EIF4ENIF1: variants seen among roughly 807,000 people sequenced by gnomAD.
The protein encoded by EIF4ENIF1 is eukaryotic translation initiation factor 4E nuclear import factor 1.
EIF4ENIF1 carries 23 observed loss-of-function variants against 110.5 expected under a neutral mutation model. That is an observed-to-expected ratio of 0.21 (90% CI 0.15 to 0.29). The LOEUF (loss-of-function observed/expected upper bound fraction) is 0.29, where lower values mean the gene tolerates loss of function less well. Among genes scored for constraint, EIF4ENIF1 ranks in the 10% least tolerant of loss-of-function variants. The probability of loss-of-function intolerance (pLI) is 1.00; values close to 1 mark genes in which losing one functional copy is unlikely to be tolerated. For missense variants in EIF4ENIF1, 1,031 were observed against 1,221.1 expected, an observed-to-expected ratio of 0.84 and a Z score of 2.32; for synonymous variants, 440 against 437.0, an observed-to-expected ratio of 1.01 and a Z score of -0.09.
chr22:31,455,845 A>C lies in EIF4ENIF1; in HGVS notation c.1099+7T>G. ...ACCTTCAAGGGCAGAATCTGAAGCC[A>C]TTTTACCTGCAAGTCTCTCTAGCTC... On this transcript the variant is annotated splice_region_variant and intron_variant, in intron 8 of 18. Coordinates refer to ENST00000330125, the MANE Select transcript of EIF4ENIF1 (RefSeq NM_019843.4). 6.2e-7 allele frequency: 1 copy of C among 1,613,552 alleles called. No individual in the cohort carries two copies. The highest frequency in any genetic ancestry group is 8.5e-7 in the Non-Finnish European group (1 of 1,179,822).
chr22:31,464,207 A>G (rs2051095795), intron 4 of EIF4ENIF1: 2 of 471,286 alleles, frequency 4.2e-6, no homozygotes, highest in Admixed American at 3.9e-5. Flanking sequence ...TTCCATGATT[A>G]GTCTTTGCAG....
In EIF4ENIF1 at chr22:31,447,415, T is replaced by G. The variant is rs777711094; in HGVS notation, c.1988+11A>C. On this transcript the variant is annotated intron_variant, in intron 14 of 18. Coordinates refer to ENST00000330125, the MANE Select transcript of EIF4ENIF1 (RefSeq NM_019843.4). ...CCGTAAATCTCCACATGAGCAGGAT[T>G]AGTAATTTACCTGTTTCTGAATCCA... The G allele has an allele frequency of 1.6e-5, 26 of 1,608,244 alleles. No individual in the cohort carries two copies. The African/African-American group carries it at 3.3e-4, about 21-fold the overall frequency.
intron 17 of EIF4ENIF1, among the ~76,000 whole-genome samples, chr22:31,441,506 C>T (rs2050294763): frequency 6.8e-6 from 1 of 146,252 alleles, no homozygotes; most frequent in African/African-American, 2.6e-5. Flanking sequence ...CGCCACTGCA[C>T]TCCAGCCAGG....
At chr22:31,444,969 A>C (rs912165545) in intron 14 of EIF4ENIF1, among the ~76,000 whole-genome samples, 12 of 152,232 alleles carry the variant, frequency 7.9e-5, no homozygotes, top group Admixed American at 3.9e-4. Context: ...ATTAGGCACC[A>C]ACAAAGTACA....
intron 15 of EIF4ENIF1, among the ~76,000 whole-genome samples, chr22:31,443,745 T>A (rs948930963): frequency 4.6e-5 from 7 of 152,080 alleles, no homozygotes; most frequent in East Asian, 1.9e-4. Context: ...CAAAGTTATT[T>A]TTTTTTTTCC....
At chr22:31,468,692 G>A (rs1252295002) in intron 3 of EIF4ENIF1, among the ~76,000 whole-genome samples, 2 of 152,158 alleles carry the variant, frequency 1.3e-5, no homozygotes, top group African/African-American at 4.8e-5. Flanking sequence ...ACTACGCCCA[G>A]CCAGAAACCC....
chr22:31,473,502 C>G (rs1007832391), intron 2 of EIF4ENIF1, among the ~76,000 whole-genome samples: 1 of 152,168 alleles, frequency 6.6e-6, no homozygotes, highest in African/African-American at 2.4e-5. Context: ...TGTTGTATCT[C>G]TTTGGTCTCC....
At chr22:31,446,161 T>TAG (rs2050467957) in intron 14 of EIF4ENIF1, among the ~76,000 whole-genome samples, 1 of 151,544 alleles carries the variant, frequency 6.6e-6, no homozygotes, top group African/African-American at 2.4e-5. Flanking sequence ...GGCACACTCC[T>TAG]GTAATCCTAG....
At chr22:31,465,687 A>T (rs755360142) in intron 4 of EIF4ENIF1, among the ~76,000 whole-genome samples, 1 of 152,236 alleles carries the variant, frequency 6.6e-6, no homozygotes, top group African/African-American at 2.4e-5. Context: ...ACCCAAGAGA[A>T]AAGAAAGCTT....
At chr22:31,440,486 GA>G (rs1440349608) in intron 18 of EIF4ENIF1, among the ~76,000 whole-genome samples, 5 of 152,202 alleles carry the variant, frequency 3.3e-5, no homozygotes, top group African/African-American at 1.2e-4. Flanking sequence ...GAAAAAGCCA[GA>G]AAACACTTGG....
Position 31,450,844 on chromosome 22 carries a change from TACACACACACAC to T in EIF4ENIF1, c.1513-496_1513-485del, listed in dbSNP as rs372740127. 1,170 of 121,094 alleles carry T rather than the reference TACACACACACAC, an allele frequency of 9.7e-3. 11 individuals are homozygous for T. Among genetic ancestry groups the T allele is most frequent in the African/African-American group, 0.027 (799 of 29,782 alleles). 7.5% of individuals were successfully genotyped at this position (121,094 alleles called of 1,614,324 possible). Reference sequence around the variant, plus strand: ...CATACATACACACATATATATATACTACACACACACACACACACACACACACACACACACACA... The same window carrying T: ...CATACATACACACATATATATATACTACACACACACACACACACACACACA... On this transcript the variant is annotated intron_variant, in intron 10 of 18. Coordinates refer to ENST00000330125, the MANE Select transcript of EIF4ENIF1 (RefSeq NM_019843.4).
upstream of EIF4ENIF1, among the ~76,000 whole-genome samples, chr22:31,491,758 G>T (rs766663160): frequency 3.9e-5 from 6 of 152,012 alleles, no homozygotes; most frequent in African/African-American, 7.3e-5. Flanking sequence ...GCTCAGGCTG[G>T]TCTCAAATTC....
intron 15 of EIF4ENIF1, 185 bp downstream of exon 15, chr22:31,444,421 A>T (rs1264318762): frequency 3.4e-6 from 2 of 596,044 alleles, no homozygotes; most frequent in African/African-American, 1.9e-5. Context: ...GGGCTTCATT[A>T]AAATCCTAAG....
chr22:31,448,018 G>A, intron 13 of EIF4ENIF1, 135 bp downstream of exon 13: 2 of 952,238 alleles, frequency 2.1e-6, no homozygotes, highest in Non-Finnish European at 3.3e-6. Flanking sequence ...CAAAGTGCTG[G>A]GATTACGGGC....
intron 17 of EIF4ENIF1, among the ~76,000 whole-genome samples, chr22:31,441,304 G>A (rs913035706): frequency 9.2e-5 from 14 of 152,070 alleles, no homozygotes; most frequent in African/African-American, 2.9e-4. Flanking sequence ...TTGGGAGGCC[G>A]ATGTGGGTGG....
chr22:31,449,835 A>G (rs1174909860), intron 11 of EIF4ENIF1, among the ~76,000 whole-genome samples: 2 of 151,304 alleles, frequency 1.3e-5, no homozygotes, highest in African/African-American at 2.4e-5. Flanking sequence ...GGTTCAAGCG[A>G]TTCTCACGCC....
chr22:31,463,516 A>G, intron 5 of EIF4ENIF1, among the ~76,000 whole-genome samples, 165 bp downstream of exon 5: 1 of 152,036 alleles, frequency 6.6e-6, no homozygotes, highest in East Asian at 1.9e-4. Flanking sequence ...CCCCGTCTCT[A>G]CTAAAAATAT....
upstream of EIF4ENIF1, chr22:31,490,033 G>A (rs1343967542): frequency 6.6e-6 from 1 of 152,342 alleles, no homozygotes; most frequent in African/African-American, 2.4e-5. Context: ...GGGGTGGGAA[G>A]GTGGTGGCGG....
At chr22:31,452,024 CTT>C (rs1891627977) in intron 10 of EIF4ENIF1, among the ~76,000 whole-genome samples, 1 of 152,154 alleles carries the variant, frequency 6.6e-6, no homozygotes, top group Non-Finnish European at 1.5e-5. Flanking sequence ...TAAGTAATCT[CTT>C]TAAGAGTCAT....
Sources: gnomAD v4.1 joint callset for allele counts (sites outside exome capture counted in the v4.1 genomes callset) on GRCh38, gnomAD v4.1.1 for gene constraint, MANE v1.5 for transcripts, NCBI Gene and HGNC (gene_info 2026-07-23, HGNC 2026-07-21) for gene names.